EPHA6: variants seen among roughly 807,000 people sequenced by gnomAD.
EPHA6 encodes the protein EPH receptor A6.
A neutral mutation model predicts 112.0 loss-of-function variants in EPHA6; 50 were observed. The ratio of observed to expected loss-of-function variants is 0.45; its 90% CI spans 0.36 to 0.56. The LOEUF (loss-of-function observed/expected upper bound fraction) is 0.56, where lower values mean the gene tolerates loss of function less well. Ranked by LOEUF, EPHA6 falls within the 20% of genes least tolerant of loss-of-function variation. The probability of loss-of-function intolerance (pLI) is 0.00; values close to 1 mark genes in which losing one functional copy is unlikely to be tolerated. For synonymous variants in EPHA6, 529 were observed against 490.7 expected (o/e 1.08, Z -1.03); for missense variants, 1,280 against 1,417.4 (o/e 0.90, Z 1.56).
chr3:97,584,745 A>T (rs559618267), intron 11 of EPHA6, among the ~76,000 whole-genome samples: 2 of 152,304 alleles, frequency 1.3e-5, no homozygotes, highest in Non-Finnish European at 2.9e-5. Flanking sequence ...GAAGGCATGG[A>T]GACATGAAAT....
At chr3:96,946,699 A>G (rs554929695) in intron 2 of EPHA6, among the ~76,000 whole-genome samples, 1 of 152,290 alleles carries the variant, frequency 6.6e-6, no homozygotes, top group African/African-American at 2.4e-5. Flanking sequence ...CAGTAACGGG[A>G]TGGCTGGGTC....
At chr3:97,176,668 A>C (rs1417461495) in intron 3 of EPHA6, among the ~76,000 whole-genome samples, 1 of 151,726 alleles carries the variant, frequency 6.6e-6, no homozygotes, top group Non-Finnish European at 1.5e-5. Flanking sequence ...CAGGTTTTTC[A>C]ATTTATTGGC....
At chr3:97,193,520 C>T (rs191281218) in intron 3 of EPHA6, among the ~76,000 whole-genome samples, 1 of 152,002 alleles carries the variant, frequency 6.6e-6, no homozygotes, top group African/African-American at 2.4e-5. Context: ...TTTATCAGTT[C>T]TAATAGTGTT....
At chr3:97,532,708 G>A (rs140140247) in intron 11 of EPHA6, among the ~76,000 whole-genome samples, 165 bp downstream of exon 11, 2 of 152,078 alleles carry the variant, frequency 1.3e-5, no homozygotes, top group African/African-American at 4.8e-5. Flanking sequence ...CATTATCAGA[G>A]TTTGCATTGG....
At chr3:97,046,214 A>G (rs962982742) in intron 3 of EPHA6, among the ~76,000 whole-genome samples, 1 of 152,194 alleles carries the variant, frequency 6.6e-6, no homozygotes, top group Non-Finnish European at 1.5e-5. Context: ...AATGATGTGC[A>G]AAAACGAATG....
intron 5 of EPHA6, among the ~76,000 whole-genome samples, chr3:97,321,935 G>A (rs2082141451): frequency 6.6e-6 from 1 of 152,012 alleles, no homozygotes; most frequent in Non-Finnish European, 1.5e-5. Context: ...TAAGACAACA[G>A]CAAACTTTAA....
At chr3:97,200,583 C>A (rs955369480) in intron 3 of EPHA6, among the ~76,000 whole-genome samples, 1 of 152,096 alleles carries the variant, frequency 6.6e-6, no homozygotes, top group East Asian at 1.9e-4. Context: ...CATGCAGACT[C>A]AGCATTTTTA....
rs369210784 is a variant in EPHA6, at chr3:96,880,455, A to G, written c.450+13566A>G. On this transcript the variant is annotated intron_variant, in intron 2 of 17. Coordinates refer to ENST00000389672, the MANE Select transcript of EPHA6 (RefSeq NM_001080448.3). ...TGTATTGGAAGAATCAGTTTAAAAT[A>G]CAAGTCAAATTTCTCAGTACCCTGT... Among the ~76,000 whole-genome samples the G allele has an allele frequency of 3.9e-5, 6 of 152,294 alleles. No homozygotes were observed. The East Asian group carries it at 7.7e-4, about 20-fold the overall frequency.
intron 1 of EPHA6, among the ~76,000 whole-genome samples, chr3:96,845,621 A>G (rs538292069): frequency 6.6e-6 from 1 of 152,140 alleles, no homozygotes; most frequent in South Asian, 2.1e-4. Flanking sequence ...TTTAATCTTT[A>G]CTTGCTAGGA....
intron 7 of EPHA6, among the ~76,000 whole-genome samples, chr3:97,457,267 A>C (rs2090721381): frequency 6.6e-6 from 1 of 152,200 alleles, no homozygotes; most frequent in South Asian, 2.1e-4. Flanking sequence ...AGAGTATCAT[A>C]GCGATGATAT....
At chr3:97,211,582 A>T (rs1006371752) in intron 3 of EPHA6, among the ~76,000 whole-genome samples, 1 of 152,138 alleles carries the variant, frequency 6.6e-6, no homozygotes, top group Non-Finnish European at 1.5e-5. Context: ...GAGGGCAGAG[A>T]GGTCTGGTTT....
At chr3:97,386,137 A>C in intron 5 of EPHA6, among the ~76,000 whole-genome samples, 1 of 152,266 alleles carries the variant, frequency 6.6e-6, no homozygotes, top group South Asian at 2.1e-4. Flanking sequence ...CCAAAGTCTC[A>C]TCTGAGACAA....
chr3:97,076,887 G>T (rs565526507), intron 3 of EPHA6, among the ~76,000 whole-genome samples: 4 of 152,132 alleles, frequency 2.6e-5, no homozygotes, highest in African/African-American at 4.8e-5. Context: ...TTATAGCATG[G>T]TTTACCGAAC....
At chr3:97,649,563 A>G (rs2094092660) in intron 14 of EPHA6, among the ~76,000 whole-genome samples, 1 of 152,108 alleles carries the variant, frequency 6.6e-6, no homozygotes, top group Non-Finnish European at 1.5e-5. Flanking sequence ...GCCACATAAG[A>G]ATAAAGAAAA....
chr3:97,306,293 C>CT (rs5851061), intron 5 of EPHA6, among the ~76,000 whole-genome samples: 2,743 of 124,786 alleles, frequency 0.022, 71 homozygotes, highest in African/African-American at 0.058. Flanking sequence ...TCAGGGCCCT[C>CT]TTTTTTTTTT....
chr3:97,409,054 T>C (rs1305790570), intron 6 of EPHA6, among the ~76,000 whole-genome samples: 5 of 152,088 alleles, frequency 3.3e-5, no homozygotes, highest in African/African-American at 9.7e-5. Context: ...TCAGAACTCA[T>C]TCCCAGGAAA....
intron 1 of EPHA6, among the ~76,000 whole-genome samples, chr3:96,841,640 G>A (rs9863352): frequency 0.041 from 6,242 of 152,086 alleles, 388 homozygotes; most frequent in African/African-American, 0.13. Context: ...TTTGGTTTCT[G>A]AGTCACTACC....
At chr3:97,534,576 C>T (rs146207316) in intron 11 of EPHA6, among the ~76,000 whole-genome samples, 13 of 151,202 alleles carry the variant, frequency 8.6e-5, no homozygotes, top group Non-Finnish European at 1.9e-4. Context: ...CATAATTCTG[C>T]CTTTCAGAAT....
intron 2 of EPHA6, among the ~76,000 whole-genome samples, chr3:96,950,199 C>T (rs1280082585): frequency 6.6e-6 from 1 of 152,076 alleles, no homozygotes; most frequent in African/African-American, 2.4e-5. Context: ...AACCACAATG[C>T]CCGTCTTAGC....
Sources: gnomAD v4.1 joint callset for allele counts (sites outside exome capture counted in the v4.1 genomes callset) on GRCh38, gnomAD v4.1.1 for gene constraint, MANE v1.5 for transcripts, NCBI Gene and HGNC (gene_info 2026-07-23, HGNC 2026-07-21) for gene names.